ZSCAN21: variants seen among roughly 807,000 people sequenced by gnomAD.
ZSCAN21 encodes the protein zinc finger and SCAN domain containing 21.
Under a neutral mutation model 35.6 loss-of-function variants are expected in ZSCAN21, and 26 were observed. The observed-to-expected ratio is 0.73, with a 90% CI of 0.54 to 1.01. ZSCAN21 has a LOEUF of 1.01. Among genes scored for constraint, ZSCAN21 ranks in the 50% least tolerant of loss-of-function variants. ZSCAN21 has a pLI of 0.00. For missense variants in ZSCAN21, 593 were observed against 587.1 expected (o/e 1.01, Z -0.10); for synonymous variants, 219 against 219.3 (o/e 1.00, Z 0.01).
intron 1 of ZSCAN21, among the ~76,000 whole-genome samples, chr7:100,052,147 C>T (rs1791903328): frequency 1.3e-5 from 2 of 152,020 alleles, no homozygotes; most frequent in Admixed American, 1.3e-4. Flanking sequence ...GTCCTGGCTA[C>T]TTTGGAGGCT....
In ZSCAN21 at chr7:100,057,705, C is replaced by T. The variant is rs748185637; in HGVS notation, c.407C>T (p.Thr136Ile). 5 of 1,609,578 alleles carry T rather than the reference C, an allele frequency of 3.1e-6. No homozygotes were observed. The highest frequency in any genetic ancestry group is 1.7e-5 in the Admixed American group (1 of 59,208). ...ELDEPGHQVS[T>I]PPNEQKPVWE... ...ATTCCTGATTGTCTCTAGGTCTCAACTCCTCCAAACGAACAGAAACCGGTG... is the reference window on the plus strand; with the variant it reads ...ATTCCTGATTGTCTCTAGGTCTCAATTCCTCCAAACGAACAGAAACCGGTG... Residue 136 changes from threonine to isoleucine, a missense_variant, in exon 3 of 4, where the codon ACT (threonine) becomes ATT (isoleucine). Transcript: ENST00000292450.
At chr7:100,052,012 C>T (rs560755208) in intron 1 of ZSCAN21, among the ~76,000 whole-genome samples, 28 of 152,126 alleles carry the variant, frequency 1.8e-4, no homozygotes, top group African/African-American at 5.1e-4. Flanking sequence ...CTCTGCAGCC[C>T]GGAACTCCTG....
chr7:100,054,472 A>G (rs953694144), intron 1 of ZSCAN21, among the ~76,000 whole-genome samples: 2 of 151,418 alleles, frequency 1.3e-5, no homozygotes, highest in African/African-American at 4.9e-5. Flanking sequence ...TTGGTCTCGA[A>G]CTCCTGACCT....
Position 100,064,036 on chromosome 7 carries a change from G to A in ZSCAN21, c.841G>A (p.Glu281Lys), listed in dbSNP as rs766471660. 1.2e-6 allele frequency: 2 copies of A among 1,614,124 alleles called. No homozygotes were observed. The highest frequency in any genetic ancestry group is 1.1e-5 in the South Asian group (1 of 91,076). ...TPGERRYICAECGKAFSNSSN... is the reference protein window; with the variant it reads ...TPGERRYICAKCGKAFSNSSN... ...AGGAGAGAGACGTTATATATGTGCT[G>A]AATGTGGCAAAGCCTTTAGTAATAG... The change falls in exon 4 of 4, where the codon GAA (glutamate) becomes AAA (lysine). Residue 281 changes from glutamate to lysine, a missense_variant. Transcript: ENST00000292450.
In ZSCAN21 at chr7:100,064,512, C is replaced by T. The variant is rs200616676; in HGVS notation, c.1317C>T (p.Thr439=). The T allele has an allele frequency of 2.7e-5, 43 of 1,613,860 alleles. No individual in the cohort carries two copies. The highest frequency in any genetic ancestry group is 3.6e-5 in the Non-Finnish European group (42 of 1,180,004). The change falls in exon 4 of 4, where the codon ACC becomes ACT. Residue 439 remains threonine, a synonymous_variant. Transcript: ENST00000292450. Reference sequence around the variant, plus strand: ...TCAATAAACACCACAGAATCCACACCGGGGAAAAGCCCTACTGGTGTCATC... The same window carrying T: ...TCAATAAACACCACAGAATCCACACTGGGGAAAAGCCCTACTGGTGTCATC... ...SNFNKHHRIH[T]GEKPYWCHHC...
At chr7:100,057,581 TG>T in intron 2 of ZSCAN21, 116 bp from the exon 3 acceptor site, 1 of 1,331,500 alleles carries the variant, frequency 7.5e-7, no homozygotes, top group Non-Finnish European at 1.0e-6. Flanking sequence ...GGGAATGGAA[TG>T]GGATGGGTGT....
chr7:100,062,281 C>CTTTTTTTT (rs921079005), intron 3 of ZSCAN21, among the ~76,000 whole-genome samples: 2 of 96,646 alleles, frequency 2.1e-5, no homozygotes, highest in Non-Finnish European at 2.2e-5. Flanking sequence ...CTCAACTGTT[C>CTTTTTTTT]TTTTTTTTTT....
At chr7:100,054,888 A>G (rs373609727) in intron 1 of ZSCAN21, among the ~76,000 whole-genome samples, 1 of 150,280 alleles carries the variant, frequency 6.7e-6, no homozygotes, top group South Asian at 2.1e-4. Context: ...TTTCATAACT[A>G]TGAACCGTGT....
chr7:100,054,687 C>G (rs1042625132), intron 1 of ZSCAN21, among the ~76,000 whole-genome samples: 1 of 151,090 alleles, frequency 6.6e-6, no homozygotes, highest in African/African-American at 2.4e-5. Context: ...ACCAACATTT[C>G]TTTTGGTGGA....
Position 100,064,030 on chromosome 7 carries a change from T to C in ZSCAN21, c.835T>C (p.Cys279Arg), listed in dbSNP as rs773434171. Residue 279 changes from cysteine (C) to arginine (R), a missense_variant, in exon 4 of 4, where the codon TGT becomes CGT. Coordinates refer to ENST00000292450, the MANE Select transcript of ZSCAN21 (RefSeq NM_145914.3). ...KPTPGERRYI[C>R]AECGKAFSNS... ...TACCCCAGGAGAGAGACGTTATATA[T>C]GTGCTGAATGTGGCAAAGCCTTTAG... 3.7e-6 allele frequency: 6 copies of C among 1,614,040 alleles called. No individual in the cohort carries two copies. The highest frequency in any genetic ancestry group is 3.3e-5 in the South Asian group (3 of 91,088).
chr7:100,050,983 G>A (rs7796006), intron 1 of ZSCAN21, among the ~76,000 whole-genome samples: 40,815 of 151,020 alleles, frequency 0.27, 6,394 homozygotes, highest in Middle Eastern at 0.47. Context: ...CCTGAGGTCG[G>A]GAGTTCGAGA....
rs1164734568 is a variant in ZSCAN21, at chr7:100,051,282, C to CT, written c.-97+1470dup. Among the ~76,000 whole-genome samples the CT allele has an allele frequency of 3.8e-3, 133 of 34,976 alleles. 36 individuals carry two copies. Among genetic ancestry groups the CT allele is most frequent in the Admixed American group, 5.1e-3 (11 of 2,150 alleles). The allele number at this position is 34,976 out of a possible 152,430, so 22.9% of individuals were successfully genotyped here. On this transcript the variant is annotated intron_variant, in intron 1 of 3. Coordinates refer to ENST00000292450, the MANE Select transcript of ZSCAN21 (RefSeq NM_145914.3). ...GGCTGCCTAGGGATCTAGGGATTTT[C>CT]TTTTTTTTTTTTTTTTTTTTTTTTT...
intron 1 of ZSCAN21, among the ~76,000 whole-genome samples, chr7:100,052,002 C>T (rs889775224): frequency 6.6e-6 from 1 of 152,122 alleles, no homozygotes; most frequent in Non-Finnish European, 1.5e-5. Context: ...ACAGCCACAA[C>T]TCTGCAGCCC....
chr7:100,052,673 T>A (rs952863551), intron 1 of ZSCAN21, among the ~76,000 whole-genome samples: 1 of 151,988 alleles, frequency 6.6e-6, no homozygotes, highest in African/African-American at 2.4e-5. Flanking sequence ...GAGGTCTAAG[T>A]TGGAGATACA....
chr7:100,052,815 T>C (rs1013302313), intron 1 of ZSCAN21, among the ~76,000 whole-genome samples: 2 of 152,052 alleles, frequency 1.3e-5, no homozygotes, highest in African/African-American at 4.8e-5. Flanking sequence ...GCATTGTACA[T>C]TTGAGTTGTG....
chr7:100,061,531 C>G (rs1250893469), intron 3 of ZSCAN21, among the ~76,000 whole-genome samples: 2 of 152,168 alleles, frequency 1.3e-5, no homozygotes, highest in Non-Finnish European at 2.9e-5. Context: ...CAAAACAAAA[C>G]AAAGTTTATG....
chr7:100,055,926 G>A (rs1246769401), intron 1 of ZSCAN21, among the ~76,000 whole-genome samples: 15 of 144,302 alleles, frequency 1.0e-4, no homozygotes, highest in Non-Finnish European at 2.1e-4. Context: ...ACAGGCGTGA[G>A]CCACCGCGCC....
Position 100,064,039 on chromosome 7 carries a change from T to C in ZSCAN21, c.844T>C (p.Cys282Arg), listed in dbSNP as rs1792493964. The C allele has an allele frequency of 6.2e-7, 1 of 1,614,164 alleles. No individual in the cohort carries two copies. Among genetic ancestry groups the C allele is most frequent in the Non-Finnish European group, 8.5e-7 (1 of 1,180,030 alleles). The change falls in exon 4 of 4, where the codon TGT becomes CGT. Residue 282 changes from cysteine to arginine, a missense_variant. By Grantham distance (180) the Cys-to-Arg change is radical. Transcript: ENST00000292450. ...PGERRYICAE[C>R]GKAFSNSSNL... is the part of the protein sequence containing the mutation. Reference sequence around the variant, plus strand: ...AGAGAGACGTTATATATGTGCTGAATGTGGCAAAGCCTTTAGTAATAGCTC... The same window carrying C: ...AGAGAGACGTTATATATGTGCTGAACGTGGCAAAGCCTTTAGTAATAGCTC...
intron 1 of ZSCAN21, among the ~76,000 whole-genome samples, chr7:100,051,018 C>G (rs930404392): frequency 2.7e-5 from 4 of 150,898 alleles, no homozygotes; most frequent in African/African-American, 9.7e-5. Context: ...ATGGAGAAAC[C>G]CCGTCTCTAC....
Sources: allele counts gnomAD v4.1 joint callset (sites outside exome capture counted in the v4.1 genomes callset), GRCh38; gene constraint gnomAD v4.1.1; transcripts MANE v1.5; gene names NCBI Gene and HGNC (gene_info 2026-07-23, HGNC 2026-07-21).